Variants in MYLK3 observed in about 807,000 individuals in gnomAD.
The protein encoded by MYLK3 is myosin light chain kinase 3.
A neutral mutation model predicts 76.3 loss-of-function variants in MYLK3; 55 were observed. The ratio of observed to expected loss-of-function variants is 0.72; its 90% confidence interval spans 0.58 to 0.90. MYLK3 has a LOEUF of 0.90. Among genes scored for constraint, MYLK3 ranks in the 40% least tolerant of loss-of-function variants. The pLI, the probability that MYLK3 is intolerant of heterozygous loss-of-function variation, is 0.00. For synonymous variants in MYLK3, 416 were observed against 425.4 expected (o/e 0.98, Z 0.27); for missense variants, 973 against 1,053.6 (o/e 0.92, Z 1.06).
chr16:46,748,347 G>A, upstream of MYLK3: 1 of 1,345,636 alleles, frequency 7.4e-7, no homozygotes, highest in Non-Finnish European at 9.8e-7. The surrounding 1 kb of genome is among the most constrained non-coding windows in gnomAD (Gnocchi z 4.3). Context: ...GGCTGTGTGA[G>A]GAGCGCAGAG....
chr16:46,742,974 T>C (rs1179948050), intron 1 of MYLK3, among the ~76,000 whole-genome samples: 1 of 152,184 alleles, frequency 6.6e-6, no homozygotes, highest in African/African-American at 2.4e-5. Flanking sequence ...CAGACCTTGT[T>C]GGGCTCAAAC....
At chr16:46,730,557 C>T in intron 5 of MYLK3, 36 bp downstream of exon 5, 1 of 1,578,656 alleles carries the variant, frequency 6.3e-7, no homozygotes, top group Non-Finnish European at 8.7e-7. Context: ...GTGACTCCTG[C>T]TCTAAGCCCC....
At chr16:46,741,317 T>C (rs975868106) in intron 1 of MYLK3, among the ~76,000 whole-genome samples, 1 of 152,186 alleles carries the variant, frequency 6.6e-6, no homozygotes, top group African/African-American at 2.4e-5. Flanking sequence ...TGTAAGGAAC[T>C]GGCCCAGAGA....
Position 46,732,610 on chromosome 16 carries a change from C to G in MYLK3, c.1060G>C (p.Gly354Arg). The change falls in exon 4 of 13, where the codon GGC becomes CGC. Residue 354 changes from glycine (G) to arginine (R), a missense_variant. Gly to Arg is a moderately radical substitution (Grantham distance 125, BLOSUM62 -2). Around this residue, in one of 2 missense-constraint regions of MYLK3, gnomAD observed 641 missense variants for 637.0 expected, o/e 1.01. Transcript: ENST00000394809. ...TPGEMLMTGR[G>R]SLGPTLTTEA... ...GTGGTGAGGGTGGGTCCAAGGCTGC[C>G]CCTGCCTGTCATCAGCATCTCCCCA... 1 of 1,575,902 alleles carries G rather than the reference C, an allele frequency of 6.3e-7. No individual in the cohort carries two copies. The highest frequency in any genetic ancestry group is 1.1e-5 in the South Asian group (1 of 88,614).
At chr16:46,740,706 C>T (rs1309807272) in intron 1 of MYLK3, among the ~76,000 whole-genome samples, 1 of 151,824 alleles carries the variant, frequency 6.6e-6, no homozygotes, top group Admixed American at 6.6e-5. Context: ...CATGGGCCAA[C>T]ATGCCCGGCT....
At chr16:46,720,560 C>T (rs971248466) in intron 9 of MYLK3, among the ~76,000 whole-genome samples, 2 of 152,114 alleles carry the variant, frequency 1.3e-5, no homozygotes, top group Non-Finnish European at 2.9e-5. Flanking sequence ...AGGATGGGTC[C>T]ACACTGTCTG....
chr16:46,740,272 C>G lies in MYLK3; in HGVS notation c.478-125G>C, dbSNP rs556124443. 23 of 705,396 alleles carry G rather than the reference C, an allele frequency of 3.3e-5. No individual in the cohort carries two copies. The East Asian group carries it at 5.0e-4, about 15-fold the overall frequency. The allele number at this position is 705,396 out of a possible 1,614,324, so 43.7% of individuals were successfully genotyped here. A position where few individuals can be genotyped will look rare whatever the true frequency, so the allele number is the denominator to read the frequency against. On this transcript the variant is annotated intron_variant, in intron 1 of 12. Coordinates refer to ENST00000394809, the MANE Select transcript of MYLK3 (RefSeq NM_182493.3). Reference sequence around the variant, plus strand: ...ATTTAGATTACTTCACACAGTCTCACAGTAACATTGGAGAGTAGATACTGC... The same window carrying G: ...ATTTAGATTACTTCACACAGTCTCAGAGTAACATTGGAGAGTAGATACTGC...
At chr16:46,720,377 T>G (rs1966787223) in intron 9 of MYLK3, among the ~76,000 whole-genome samples, 1 of 152,096 alleles carries the variant, frequency 6.6e-6, no homozygotes, top group Non-Finnish European at 1.5e-5. Flanking sequence ...TTTTTGTATT[T>G]TTTGTAGAGA....
intron 1 of MYLK3, among the ~76,000 whole-genome samples, chr16:46,747,164 C>T (rs1298645861): frequency 1.3e-5 from 2 of 152,194 alleles, no homozygotes; most frequent in Non-Finnish European, 2.9e-5. Context: ...TAGGAACAGC[C>T]GCTCCCAGGA....
At chr16:46,722,991 C>T (rs1275062428) in intron 8 of MYLK3, among the ~76,000 whole-genome samples, 1 of 152,208 alleles carries the variant, frequency 6.6e-6, no homozygotes, top group Non-Finnish European at 1.5e-5. Flanking sequence ...GGATCACAGG[C>T]ATGAGCCCCT....
intron 1 of MYLK3, among the ~76,000 whole-genome samples, chr16:46,744,300 G>GGAA (rs1225918411): frequency 1.5e-5 from 2 of 135,308 alleles, no homozygotes; most frequent in Non-Finnish European, 3.1e-5. Flanking sequence ...CCAAAATGCT[G>GGAA]GAATTACAGG....
intron 4 of MYLK3, among the ~76,000 whole-genome samples, chr16:46,731,223 G>A (rs984633975): frequency 5.3e-5 from 8 of 152,242 alleles, no homozygotes; most frequent in Non-Finnish European, 8.8e-5. Flanking sequence ...GGAGCCAGAG[G>A]GGCAGGCCCC....
intron 7 of MYLK3, among the ~76,000 whole-genome samples, 182 bp from the exon 8 acceptor site, chr16:46,727,559 C>A (rs181434661): frequency 5.6e-4 from 85 of 152,332 alleles, no homozygotes; most frequent in African/African-American, 1.9e-3. Context: ...CAGAGTCTCA[C>A]CCTGTCGCCC....
At chr16:46,734,536 G>T (rs114840138) in intron 3 of MYLK3, among the ~76,000 whole-genome samples, 9 of 152,154 alleles carry the variant, frequency 5.9e-5, no homozygotes, top group African/African-American at 1.7e-4. Context: ...ATAGCTAATC[G>T]CTTGAACCCA....
At chr16:46,754,800 A>G (rs1383186533) in intron 1 of MYLK3, among the ~76,000 whole-genome samples, 1 of 152,210 alleles carries the variant, frequency 6.6e-6, no homozygotes, top group East Asian at 1.9e-4. Flanking sequence ...GTCAAAGTCT[A>G]GATAGGAAAG....
intron 2 of MYLK3, 63 bp from the exon 3 acceptor site, chr16:46,738,206 T>C: frequency 7.3e-7 from 1 of 1,367,600 alleles, no homozygotes; most frequent in Non-Finnish European, 9.7e-7. Context: ...ACAAAGATAC[T>C]GCAAGGAATC....
chr16:46,747,721 T>G lies in MYLK3; in HGVS notation c.473A>C (p.Glu158Ala). Reference sequence around the variant, plus strand: ...GGCAGGGAAGCAGGAACCAACCTCCTCAGGGCTGTCACCTGGGCTGCCTCT... The same window carrying G: ...GGCAGGGAAGCAGGAACCAACCTCCGCAGGGCTGTCACCTGGGCTGCCTCT... ...WRRGSPGDSP[E>A]ENKERVEEEG... The change falls in exon 1 of 13, where the codon GAG becomes GCG. Residue 158 changes from glutamate to alanine, a missense_variant. Physicochemically the swap from Glu to Ala is moderately radical, Grantham distance 107. This residue lies in a region of MYLK3 where 641 missense variants were observed against 637.0 expected (regional missense o/e 1.01). Transcript: ENST00000394809. The G allele has an allele frequency of 1.2e-6, 2 of 1,612,918 alleles. No homozygotes were observed. The highest frequency in any genetic ancestry group is 1.7e-6 in the Non-Finnish European group (2 of 1,179,520).
intron 9 of MYLK3, among the ~76,000 whole-genome samples, chr16:46,717,195 G>C (rs752610139): frequency 6.6e-6 from 1 of 152,142 alleles, no homozygotes; most frequent in Non-Finnish European, 1.5e-5. Context: ...GGGATCTGAC[G>C]CTATCTCCCG....
intron 1 of MYLK3, among the ~76,000 whole-genome samples, chr16:46,753,956 C>T (rs981039956): frequency 2.0e-5 from 3 of 151,906 alleles, no homozygotes; most frequent in Non-Finnish European, 2.9e-5. Flanking sequence ...CACAGAAAAG[C>T]GTGAAAGGCT....
Sources: gnomAD v4.1 joint callset for allele counts (sites outside exome capture counted in the v4.1 genomes callset) on GRCh38, gnomAD v4.1.1 for gene constraint, gnomAD v4.1.1 regional missense constraint, Gnocchi (gnomAD v3.1) non-coding constraint, MANE v1.5 for transcripts, NCBI Gene and HGNC (gene_info 2026-07-23, HGNC 2026-07-21) for gene names.